NRXN3: variants seen among roughly 807,000 people sequenced by gnomAD.
The protein encoded by NRXN3 is neurexin 3.
Under a neutral mutation model 137.6 loss-of-function variants are expected in NRXN3, and 32 were observed. The observed-to-expected ratio is 0.23, with a 90% CI of 0.18 to 0.31. The LOEUF (loss-of-function observed/expected upper bound fraction) is 0.31. NRXN3 is among the 10% of genes least tolerant of loss of function. The pLI, the probability that NRXN3 is intolerant of heterozygous loss-of-function variation, is 1.00. For synonymous variants in NRXN3, 798 were observed against 784.5 expected, an observed-to-expected ratio of 1.02 and a Z score of -0.29; for missense variants, 1,574 against 2,062.5, an observed-to-expected ratio of 0.76 and a Z score of 4.59.
At chr14:79,446,130 C>T (rs747030356) in intron 15 of NRXN3, among the ~76,000 whole-genome samples, 1 of 152,010 alleles carries the variant, frequency 6.6e-6, no homozygotes, top group Non-Finnish European at 1.5e-5. Flanking sequence ...CGAATAAGAA[C>T]CGTGAAGAAA....
chr14:79,362,344 C>T (rs2093715697), intron 15 of NRXN3, among the ~76,000 whole-genome samples: 1 of 140,726 alleles, frequency 7.1e-6, no homozygotes, highest in Non-Finnish European at 1.5e-5. Context: ...ATACAATAAA[C>T]AAAGTATCTT....
chr14:78,349,878 G>C (rs756834622), intron 4 of NRXN3, among the ~76,000 whole-genome samples: 7 of 152,190 alleles, frequency 4.6e-5, no homozygotes, highest in Non-Finnish European at 1.0e-4. Flanking sequence ...AAAATTTACT[G>C]AGCACTAATT....
chr14:79,445,258 T>G (rs371767291), intron 15 of NRXN3, among the ~76,000 whole-genome samples: 284 of 151,244 alleles, frequency 1.9e-3, no homozygotes, highest in African/African-American at 6.2e-3. Context: ...GAGAATCACT[T>G]GAACCCGGGA....
At chr14:78,627,628 C>T (rs937775873) in intron 4 of NRXN3, among the ~76,000 whole-genome samples, 5 of 152,068 alleles carry the variant, frequency 3.3e-5, no homozygotes, top group Non-Finnish European at 1.5e-5. Flanking sequence ...CAAAGTTGTC[C>T]CCTGTTAATA....
At chr14:79,798,614 A>G (rs955666421) in intron 19 of NRXN3, among the ~76,000 whole-genome samples, 1 of 152,126 alleles carries the variant, frequency 6.6e-6, no homozygotes, top group South Asian at 2.1e-4. Context: ...ATTTTATCTC[A>G]TACTAAATCT....
chr14:79,040,716 A>G (rs2099623682), intron 15 of NRXN3, among the ~76,000 whole-genome samples: 1 of 152,172 alleles, frequency 6.6e-6, no homozygotes, highest in South Asian at 2.1e-4. Context: ...TTACAGTTGA[A>G]TGCAAAAGAA....
chr14:78,604,236 G>A (rs1430935101), intron 4 of NRXN3, among the ~76,000 whole-genome samples: 1 of 151,670 alleles, frequency 6.6e-6, no homozygotes, highest in Non-Finnish European at 1.5e-5. Flanking sequence ...AATTATGGGA[G>A]CTACAATTCA....
chr14:78,989,861 C>T (rs552432297), intron 15 of NRXN3, among the ~76,000 whole-genome samples: 11 of 152,264 alleles, frequency 7.2e-5, no homozygotes, highest in East Asian at 3.9e-4. Context: ...GGTAAGTTAT[C>T]GTAACGTGGT....
intron 15 of NRXN3, among the ~76,000 whole-genome samples, chr14:79,352,120 C>T (rs1259559629): frequency 6.6e-6 from 1 of 152,096 alleles, no homozygotes; most frequent in Non-Finnish European, 1.5e-5. Context: ...ATAGCAAAGT[C>T]CATGCCATCT....
intron 1 of NRXN3, among the ~76,000 whole-genome samples, chr14:78,202,127 C>T (rs141749985): frequency 0.011 from 1,636 of 152,020 alleles, 8 homozygotes; most frequent in Non-Finnish European, 0.017. Flanking sequence ...ATGGGTGAGC[C>T]GCGGCATGCC....
chr14:79,573,684 A>G (rs1362150363), intron 16 of NRXN3, among the ~76,000 whole-genome samples: 2 of 152,078 alleles, frequency 1.3e-5, no homozygotes, highest in African/African-American at 4.8e-5. Flanking sequence ...TACTGTTCTC[A>G]GCTGCTGTTG....
chr14:79,757,744 T>C (rs1421474697), intron 19 of NRXN3, among the ~76,000 whole-genome samples: 1 of 152,184 alleles, frequency 6.6e-6, no homozygotes, highest in African/African-American at 2.4e-5. Context: ...TTCAGGACCT[T>C]GATTTCTTCT....
intron 4 of NRXN3, among the ~76,000 whole-genome samples, chr14:78,365,397 C>A (rs1050413579): frequency 6.6e-6 from 1 of 152,178 alleles, no homozygotes; most frequent in Admixed American, 6.5e-5. Context: ...TTACTCCATG[C>A]AGACATTCAG....
intron 10 of NRXN3, among the ~76,000 whole-genome samples, chr14:78,942,720 T>C (rs1242662408): frequency 6.6e-6 from 1 of 152,060 alleles, no homozygotes; most frequent in Non-Finnish European, 1.5e-5. Context: ...AGCTGCAGGA[T>C]ACAACAATAT....
chr14:79,002,463 G>T (rs964372842), intron 15 of NRXN3, among the ~76,000 whole-genome samples: 1 of 152,110 alleles, frequency 6.6e-6, no homozygotes, highest in Non-Finnish European at 1.5e-5. Flanking sequence ...GTGAGAATAT[G>T]CAGTGTTTGG....
intron 4 of NRXN3, among the ~76,000 whole-genome samples, chr14:78,327,011 G>T (rs1189824610): frequency 2.0e-5 from 3 of 151,958 alleles, no homozygotes; most frequent in Non-Finnish European, 4.4e-5. Flanking sequence ...TTATGGTTGT[G>T]AGGATTAAAC....
intron 4 of NRXN3, among the ~76,000 whole-genome samples, chr14:78,346,123 G>A (rs1246247696): frequency 6.6e-6 from 1 of 152,150 alleles, no homozygotes; most frequent in Non-Finnish European, 1.5e-5. Context: ...CCTGAAGCAC[G>A]GGTGATGGGG....
At chr14:79,653,867 G>A (rs1248464468) in intron 16 of NRXN3, among the ~76,000 whole-genome samples, 1 of 152,132 alleles carries the variant, frequency 6.6e-6, no homozygotes, top group Non-Finnish European at 1.5e-5. Context: ...GAATCATTTT[G>A]AGCTCATTCT....
At chr14:79,639,448 G>C (rs569563638) in intron 16 of NRXN3, among the ~76,000 whole-genome samples, 1 of 151,768 alleles carries the variant, frequency 6.6e-6, no homozygotes, top group Non-Finnish European at 1.5e-5. Flanking sequence ...TTTGTGATTA[G>C]TTGTAGTTGA....
Sources: allele counts gnomAD v4.1 joint callset (sites outside exome capture counted in the v4.1 genomes callset), GRCh38; gene constraint gnomAD v4.1.1; transcripts MANE v1.5; gene names NCBI Gene and HGNC (gene_info 2026-07-23, HGNC 2026-07-21).